AK9: variants seen among roughly 807,000 people sequenced by gnomAD.
AK9 encodes the protein adenylate kinase 9.
AK9 carries 191 observed loss-of-function variants against 239.6 expected under a neutral mutation model. The ratio of observed to expected loss-of-function variants is 0.80; its 90% confidence interval spans 0.71 to 0.90. The LOEUF (loss-of-function observed/expected upper bound fraction) is 0.90. AK9 is among the 40% of genes least tolerant of loss of function. The probability of loss-of-function intolerance (pLI) is 0.00; values close to 1 mark genes in which losing one functional copy is unlikely to be tolerated. For missense variants in AK9, 1,995 were observed against 2,214.7 expected (o/e 0.90, Z 1.99); for synonymous variants, 689 against 721.0 (o/e 0.96, Z 0.71).
At chr6:109,573,914 C>T (rs1484996255) in intron 20 of AK9, among the ~76,000 whole-genome samples, 1 of 152,102 alleles carries the variant, frequency 6.6e-6, no homozygotes, top group Non-Finnish European at 1.5e-5. Flanking sequence ...ATGGCTACAT[C>T]AGCACCATTC....
chr6:109,670,495 T>A (rs1445071578), intron 5 of AK9, among the ~76,000 whole-genome samples: 1 of 152,168 alleles, frequency 6.6e-6, no homozygotes, highest in Non-Finnish European at 1.5e-5. Context: ...TGTGGAAGCA[T>A]CTTTATACTA....
chr6:109,502,741 C>T (rs1777718832), intron 35 of AK9, among the ~76,000 whole-genome samples: 1 of 152,218 alleles, frequency 6.6e-6, no homozygotes, highest in Admixed American at 6.5e-5. Flanking sequence ...TGAGGGTGGC[C>T]TCTGGCCAAT....
chr6:109,603,628 G>C (rs1272951660), intron 17 of AK9, among the ~76,000 whole-genome samples: 2 of 152,194 alleles, frequency 1.3e-5, no homozygotes, highest in African/African-American at 2.4e-5. Flanking sequence ...AGTCTGCAGA[G>C]GTTTCTGCTG....
intron 17 of AK9, among the ~76,000 whole-genome samples, chr6:109,597,400 C>T (rs1449495103): frequency 6.6e-6 from 1 of 151,994 alleles, no homozygotes; most frequent in African/African-American, 2.4e-5. Flanking sequence ...TTGCCGGGCG[C>T]GGTGGCTCAT....
intron 32 of AK9, among the ~76,000 whole-genome samples, chr6:109,513,797 G>C (rs894383572): frequency 7.2e-5 from 11 of 152,238 alleles, no homozygotes; most frequent in African/African-American, 2.6e-4. Context: ...GATGCACAAG[G>C]CTTTTGTTTA....
At chr6:109,583,740 A>T (rs142868963) in intron 19 of AK9, among the ~76,000 whole-genome samples, 1 of 152,136 alleles carries the variant, frequency 6.6e-6, no homozygotes, top group African/African-American at 2.4e-5. Flanking sequence ...GGTAGAATTG[A>T]CAGAAAGTGG....
At chr6:109,533,882 A>G (rs1781603224) in intron 27 of AK9, among the ~76,000 whole-genome samples, 1 of 152,142 alleles carries the variant, frequency 6.6e-6, no homozygotes, top group Non-Finnish European at 1.5e-5. Flanking sequence ...CCATAGGAAA[A>G]GAGAAAATAA....
At position 109,619,320 on chromosome 6, in the gene AK9, A is replaced by G. The variant is rs377350079; in HGVS notation, c.1255-84T>C. On this transcript the variant is annotated intron_variant, in intron 12 of 40. Transcript: ENST00000424296. ...ATTGTTCATCTATCTATGTATATCT[A>G]TCTATATTTCTATCTCTATTCCAAA... 2.2e-4 allele frequency: 295 copies of G among 1,329,364 alleles called. 3 individuals are homozygous for G. The South Asian group carries it at 3.6e-3, about 16-fold the overall frequency. The allele number at this position is 1,329,364 out of a possible 1,614,324, so 82.3% of individuals were successfully genotyped here. A position where few individuals can be genotyped will look rare whatever the true frequency, so the allele number is the denominator to read the frequency against.
chr6:109,542,273 G>C (rs1468051652), intron 26 of AK9, 102 bp from the exon 27 acceptor site: 2 of 1,146,272 alleles, frequency 1.7e-6, no homozygotes, highest in Admixed American at 5.7e-5. Context: ...ACCTCATGGA[G>C]GTGGAGAGTA....
At chr6:109,521,062 T>C (rs1431891294) in intron 29 of AK9, among the ~76,000 whole-genome samples, 4 of 152,120 alleles carry the variant, frequency 2.6e-5, no homozygotes, top group African/African-American at 9.7e-5. Context: ...ATAGTTTAAC[T>C]TCTTTTCTTA....
rs781253025 is a variant in AK9, at chr6:109,533,292, C to A, written c.3529G>T (p.Glu1177Ter). The change falls in exon 28 of 41, where the codon GAA becomes TAA. Residue 1177 changes from glutamate (E) to a stop codon, truncating the protein, a stop_gained. Coordinates refer to ENST00000424296, the MANE Select transcript of AK9 (RefSeq NM_001145128.3). LOFTEE classifies it high-confidence loss of function. ...ATGTCTTTGATCAGTTTCTTCCTTT[C>A]TAATTTCTTCTTTTGTTTTAGTTTC... is the stretch of plus-strand genomic sequence containing the variant. ...KWKLKQKKKL[E>*]RKKLIKDMKA... 3.7e-6 allele frequency: 6 copies of A among 1,610,820 alleles called. No homozygotes were observed. Among genetic ancestry groups the A allele is most frequent in the Non-Finnish European group, 4.2e-6 (5 of 1,179,008 alleles).
intron 21 of AK9, 24 bp from the exon 22 acceptor site, chr6:109,564,869 A>G (rs1329806983): frequency 2.7e-6 from 4 of 1,482,570 alleles, no homozygotes; most frequent in Non-Finnish European, 3.6e-6. Flanking sequence ...TCGAATAGTT[A>G]GTGTTTAAAT....
At chr6:109,514,193 T>C (rs1779032337) in intron 32 of AK9, 31 bp downstream of exon 32, 1 of 1,533,732 alleles carries the variant, frequency 6.5e-7, no homozygotes, top group Non-Finnish European at 8.8e-7. Flanking sequence ...TCTTTTATGC[T>C]TGAGGAAAAC....
chr6:109,561,553 A>G (rs1454697575), intron 24 of AK9, among the ~76,000 whole-genome samples: 2 of 151,824 alleles, frequency 1.3e-5, no homozygotes, highest in Non-Finnish European at 2.9e-5. Context: ...AGCTGAAGTG[A>G]TGTGCCTGCC....
intron 5 of AK9, among the ~76,000 whole-genome samples, chr6:109,670,259 T>C (rs796346867): frequency 3.3e-5 from 5 of 152,348 alleles, no homozygotes; most frequent in African/African-American, 1.2e-4. Context: ...TAGTAGATGA[T>C]ATCAAGGAAT....
chr6:109,536,517 G>T (rs1049037083), intron 27 of AK9, among the ~76,000 whole-genome samples: 15 of 152,186 alleles, frequency 9.9e-5, no homozygotes, highest in Non-Finnish European at 1.3e-4. Context: ...AGATGATGGG[G>T]TTTTCTAAAT....
At chr6:109,611,964 T>C (rs1793636961) in intron 16 of AK9, 46 bp downstream of exon 16, 1 of 1,322,908 alleles carries the variant, frequency 7.6e-7, no homozygotes, top group African/African-American at 1.5e-5. Flanking sequence ...TTGTGTTTTT[T>C]AGAACCACAA....
At chr6:109,657,561 T>A (rs974410327) in intron 7 of AK9, among the ~76,000 whole-genome samples, 3 of 151,432 alleles carry the variant, frequency 2.0e-5, no homozygotes, top group East Asian at 1.9e-4. Flanking sequence ...TTTTTTTTTT[T>A]AATTATACTT....
At chr6:109,616,302 A>G (rs1337717225) in intron 13 of AK9, among the ~76,000 whole-genome samples, 1 of 152,206 alleles carries the variant, frequency 6.6e-6, no homozygotes. Flanking sequence ...TGGAAAATAC[A>G]TTAGTATAAC....
Sources: allele counts gnomAD v4.1 joint callset (sites outside exome capture counted in the v4.1 genomes callset), GRCh38; gene constraint gnomAD v4.1.1; transcripts MANE v1.5; gene names NCBI Gene and HGNC (gene_info 2026-07-23, HGNC 2026-07-21).